The following NIBAN3 variants were observed in gnomAD, a reference collection of about 807,000 sequenced individuals.
The protein encoded by NIBAN3 is protein Niban 3.
NIBAN3 carries 66 observed loss-of-function variants against 76.4 expected under a neutral mutation model. The observed-to-expected ratio is 0.86, with a 90% CI of 0.71 to 1.06. The LOEUF (loss-of-function observed/expected upper bound fraction) is 1.06, where lower values mean the gene tolerates loss of function less well. Ranked by LOEUF, NIBAN3 falls within the 50% of genes least tolerant of loss-of-function variation. The pLI, the probability that NIBAN3 is intolerant of heterozygous loss-of-function variation, is 0.00. For missense variants in NIBAN3, 808 were observed against 810.7 expected (o/e 1.00, Z 0.04); for synonymous variants, 360 against 355.2 (o/e 1.01, Z -0.15).
At chr19:17,543,471 T>A (rs2075993215) in intron 11 of NIBAN3, 38 bp downstream of exon 11, 1 of 1,610,528 alleles carries the variant, frequency 6.2e-7, no homozygotes, top group Non-Finnish European at 8.5e-7. Flanking sequence ...GGGGTGGCAG[T>A]GGGCCTGGGT....
At chr19:17,539,882 A>G (rs765523615) in intron 8 of NIBAN3, 117 bp downstream of exon 8, 358 of 255,114 alleles carry the variant, frequency 1.4e-3, no homozygotes, top group Non-Finnish European at 8.4e-4. Flanking sequence ...GTGGTCAGAG[A>G]GGGGCGGGGC....
Position 17,539,273 on chromosome 19 carries a change from C to T in NIBAN3, c.711+8C>T, listed in dbSNP as rs1206293320. On this transcript the variant is annotated splice_region_variant and intron_variant, in intron 6 of 14. Coordinates refer to ENST00000599164, the MANE Select transcript of NIBAN3 (RefSeq NM_001321827.2). ...CTAGGCTCAGACGCCGAGGTTAGTG[C>T]CCCGCGAGGCCGCACCCGGGACCCC... 6 of 1,586,982 alleles carry T rather than the reference C, an allele frequency of 3.8e-6. No homozygotes were observed. Among genetic ancestry groups the T allele is most frequent in the Non-Finnish European group, 5.1e-6 (6 of 1,167,198 alleles).
chr19:17,540,676 C>T (rs1394992145), intron 9 of NIBAN3, 94 bp downstream of exon 9: 3 of 988,142 alleles, frequency 3.0e-6, no homozygotes, highest in Admixed American at 3.9e-5. Flanking sequence ...TTGTTCTAGG[C>T]TGCTTTTTAC....
intron 2 of NIBAN3, among the ~76,000 whole-genome samples, chr19:17,531,330 C>T (rs1379855655): frequency 3.6e-5 from 2 of 55,260 alleles, no homozygotes; most frequent in African/African-American, 5.4e-4. Flanking sequence ...CTGTCAAACA[C>T]ACACACACAC....
upstream of NIBAN3, among the ~76,000 whole-genome samples, chr19:17,524,288 C>T (rs55817899): frequency 0.035 from 5,264 of 151,714 alleles, 224 homozygotes; most frequent in African/African-American, 0.1. Context: ...TGATGGTTTT[C>T]TTTTTTCTTT....
At chr19:17,533,835 C>G in intron 4 of NIBAN3, 134 bp downstream of exon 4, 1 of 664,678 alleles carries the variant, frequency 1.5e-6, no homozygotes, top group South Asian at 1.9e-5. Flanking sequence ...CTTCCACCCA[C>G]TCCCTGCCTG....
At chr19:17,554,676 A>C (rs1381880210), downstream of NIBAN3, among the ~76,000 whole-genome samples, 2 of 150,968 alleles carry the variant, frequency 1.3e-5, no homozygotes, top group Non-Finnish European at 2.9e-5. Context: ...GCTACTCAGG[A>C]GGCTGAAGCA....
chr19:17,523,472 CAA>C (rs780991403), upstream of NIBAN3: 1 of 1,561,012 alleles, frequency 6.4e-7, no homozygotes, highest in East Asian at 2.3e-5. Context: ...TGGTAAACAG[CAA>C]AGAGAGCTGA....
chr19:17,549,341 A>G (rs557696275), intron 13 of NIBAN3, 103 bp from the exon 14 acceptor site: 12 of 825,504 alleles, frequency 1.5e-5, no homozygotes, highest in African/African-American at 1.2e-4. Context: ...CCACCTCTTT[A>G]GGATTTCTGC....
upstream of NIBAN3, chr19:17,523,317 G>A (rs1186021942): frequency 1.1e-6 from 1 of 885,944 alleles, no homozygotes; most frequent in Non-Finnish European, 1.7e-6. Flanking sequence ...CAGGAGATGG[G>A]AATTGAAACC....
rs1424516075 is a variant in NIBAN3, at chr19:17,544,330, C to G, written c.1554+699C>G. 2.0e-5 allele frequency among the ~76,000 whole-genome samples: 3 copies of G among 152,226 alleles called. No homozygotes were observed. In the East Asian group the frequency reaches 5.8e-4, roughly 29 times the overall value. On this transcript the variant is annotated intron_variant, in intron 12 of 14. Transcript: ENST00000599164. ...GACTTCCATACCCTGAGCCCTGGAG[C>G]TGGGTCAGGTGGCTTTTCTGGGCTT...
At chr19:17,534,790 CAAAAA>C (rs751685692) in intron 4 of NIBAN3, among the ~76,000 whole-genome samples, 2 of 75,784 alleles carry the variant, frequency 2.6e-5, no homozygotes, top group African/African-American at 7.4e-5. Context: ...GACTCCATCT[CAAAAA>C]AAAAAAAAAA....
chr19:17,525,151 C>T (rs779719016), upstream of NIBAN3, among the ~76,000 whole-genome samples: 32 of 152,170 alleles, frequency 2.1e-4, no homozygotes, highest in Non-Finnish European at 4.1e-4. Flanking sequence ...CCTGGAGCCC[C>T]TGACTGCTGG....
At chr19:17,529,306 C>G (rs1302896156) in intron 1 of NIBAN3, among the ~76,000 whole-genome samples, 1 of 146,820 alleles carries the variant, frequency 6.8e-6, no homozygotes, top group South Asian at 2.1e-4. Flanking sequence ...TTTTTTTTTT[C>G]TCCTCAAACT....
intron 14 of NIBAN3, chr19:17,549,855 A>T (rs1335366679): frequency 2.0e-5 from 10 of 506,052 alleles, no homozygotes; most frequent in Non-Finnish European, 3.5e-5. Flanking sequence ...CAGAGTCTAG[A>T]TCTGTTGCCC....
At chr19:17,538,539 C>T (rs989433763) in intron 5 of NIBAN3, among the ~76,000 whole-genome samples, 3 of 151,698 alleles carry the variant, frequency 2.0e-5, no homozygotes, top group Non-Finnish European at 4.4e-5. Context: ...GGGAGGATCA[C>T]TTGAGCCCAG....
upstream of NIBAN3, chr19:17,523,459 G>T: frequency 6.4e-7 from 1 of 1,564,104 alleles, no homozygotes; most frequent in Non-Finnish European, 8.7e-7. Context: ...ACCGGAAGGA[G>T]GTTGGTAAAC....
At chr19:17,536,756 T>C (rs2075831580) in intron 4 of NIBAN3, among the ~76,000 whole-genome samples, 1 of 152,162 alleles carries the variant, frequency 6.6e-6, no homozygotes, top group Admixed American at 6.6e-5. Context: ...TGTCAATAAT[T>C]CTAGGTCATC....
upstream of NIBAN3, among the ~76,000 whole-genome samples, chr19:17,526,820 C>G (rs182385867): frequency 2.0e-5 from 3 of 152,100 alleles, no homozygotes; most frequent in Non-Finnish European, 4.4e-5. Context: ...CCCCCTGCCC[C>G]AGCACTGACC....
Sources: gnomAD v4.1 joint callset for allele counts (sites outside exome capture counted in the v4.1 genomes callset) on GRCh38, gnomAD v4.1.1 for gene constraint, MANE v1.5 for transcripts, NCBI Gene and HGNC (gene_info 2026-07-23, HGNC 2026-07-21) for gene names.